Variants in SMCO2 observed in about 807,000 individuals in gnomAD.
SMCO2 encodes single-pass membrane protein with coiled-coil domains 2, also known as single-pass membrane and coiled-coil domain-containing protein 2.
Under a neutral mutation model 29.5 loss-of-function variants are expected in SMCO2, and 25 were observed. That is an observed-to-expected ratio of 0.85 (90% confidence interval 0.62 to 1.18). The LOEUF (loss-of-function observed/expected upper bound fraction) is 1.18, where lower values mean the gene tolerates loss of function less well. Ranked by LOEUF, SMCO2 falls within the 50% of genes most tolerant of loss-of-function variation. The pLI is 0.00. For missense variants in SMCO2, 348 were observed against 344.5 expected, an observed-to-expected ratio of 1.01 and a Z score of -0.08; for synonymous variants, 117 against 123.3, an observed-to-expected ratio of 0.95 and a Z score of 0.34.
At chr12:27,484,707 G>A (rs1317655365) in intron 4 of SMCO2, among the ~76,000 whole-genome samples, 1 of 151,638 alleles carries the variant, frequency 6.6e-6, no homozygotes, top group African/African-American at 2.4e-5. Flanking sequence ...ACAAAAATTA[G>A]CTGGGTGTGG....
chr12:27,441,726 C>G, the SMCO2 span, among the ~76,000 whole-genome samples: 21 of 152,140 alleles, frequency 1.4e-4, no homozygotes, highest in African/African-American at 5.1e-4. Flanking sequence ...ATCTAATAGG[C>G]CTAACTGGCA....
At chr12:27,431,417 A>G in the SMCO2 span, among the ~76,000 whole-genome samples, 4 of 152,148 alleles carry the variant, frequency 2.6e-5, no homozygotes, top group South Asian at 4.1e-4. Flanking sequence ...CTGAAACTCC[A>G]TACCATTTCC....
chr12:27,443,036 C>G, the SMCO2 span, among the ~76,000 whole-genome samples: 4 of 152,110 alleles, frequency 2.6e-5, no homozygotes, highest in African/African-American at 9.7e-5. Context: ...ACTCTGATAC[C>G]AACACCAGAG....
chr12:27,481,310 G>A (rs378793), intron 4 of SMCO2, among the ~76,000 whole-genome samples: 18,445 of 152,226 alleles, frequency 0.12, 2,164 homozygotes, highest in African/African-American at 0.28. Flanking sequence ...ACTGGTCTCA[G>A]GGCCTGCAAA....
chr12:27,423,584 C>T, the SMCO2 span: 1 of 152,330 alleles, frequency 6.6e-6, no homozygotes, highest in African/African-American at 2.4e-5. Context: ...CCACTTCGGC[C>T]TCCCAAAGTG....
chr12:27,448,312 G>T, the SMCO2 span, among the ~76,000 whole-genome samples: 1 of 152,170 alleles, frequency 6.6e-6, no homozygotes, highest in African/African-American at 2.4e-5. Flanking sequence ...TGCTATGTCT[G>T]CCAGGTCAGA....
intron 1 of SMCO2, among the ~76,000 whole-genome samples, chr12:27,468,152 A>C (rs1221669974): frequency 6.6e-6 from 1 of 152,104 alleles, no homozygotes; most frequent in Admixed American, 6.6e-5. Context: ...CCCAGCTGTG[A>C]AGTGTTGATG....
At chr12:27,465,539 T>C (rs1351784109), upstream of SMCO2, among the ~76,000 whole-genome samples, 1 of 152,196 alleles carries the variant, frequency 6.6e-6, no homozygotes, top group Non-Finnish European at 1.5e-5. Context: ...ACATCTGAAC[T>C]TGAGCTTTTG....
chr12:27,481,056 C>T (rs533577459), intron 4 of SMCO2, among the ~76,000 whole-genome samples: 5 of 152,284 alleles, frequency 3.3e-5, no homozygotes, highest in Admixed American at 3.3e-4. Flanking sequence ...GGGGACCTGA[C>T]TGCATGCTGG....
the SMCO2 span, among the ~76,000 whole-genome samples, chr12:27,449,888 G>A: frequency 3.3e-5 from 5 of 152,170 alleles, no homozygotes; most frequent in South Asian, 2.1e-4. Flanking sequence ...ACGTGGGTCC[G>A]AATCTCTAGC....
exon 7 of SMCO2, chr12:27,495,815 T>C: frequency 6.5e-7 from 1 of 1,533,078 alleles, no homozygotes; most frequent in Non-Finnish European, 8.8e-7. Flanking sequence ...GGCCCCAGCA[T>C]CCTTTTTAGT....
At chr12:27,457,962 A>G in the SMCO2 span, among the ~76,000 whole-genome samples, 1 of 152,082 alleles carries the variant, frequency 6.6e-6, no homozygotes, top group Admixed American at 6.6e-5. Context: ...AAAGATTAAA[A>G]TTTTCTTCTC....
rs569944081 is a variant in SMCO2 at position 27,484,967 on chromosome 12, C to T, written c.363-3493C>T. On this transcript the variant is annotated intron_variant, in intron 4 of 7. Coordinates refer to ENST00000298876, the Ensembl canonical transcript of SMCO2. ...TTTTCTTTTGTTAAGTTGCGTTGTGCCTTATGGCTCTGCAAGTTTGTAGTT... is the reference window on the plus strand; with the variant it reads ...TTTTCTTTTGTTAAGTTGCGTTGTGTCTTATGGCTCTGCAAGTTTGTAGTT... Among the ~76,000 whole-genome samples, 14 of 150,044 alleles carry T rather than the reference C, an allele frequency of 9.3e-5. No individual in the cohort carries two copies. The South Asian group carries it at 1.5e-3, about 16-fold the overall frequency.
chr12:27,501,641 C>T (rs1474438854), intron 7 of SMCO2, among the ~76,000 whole-genome samples: 1 of 150,136 alleles, frequency 6.7e-6, no homozygotes, highest in Non-Finnish European at 1.5e-5. Flanking sequence ...ATTGCAATAA[C>T]CTGCTAGGAT....
intron 6 of SMCO2, among the ~76,000 whole-genome samples, chr12:27,494,587 A>G (rs937249899): frequency 6.6e-6 from 1 of 151,258 alleles, no homozygotes; most frequent in East Asian, 1.9e-4. Flanking sequence ...TACATGTCCC[A>G]TGGTGGTTTG....
At chr12:27,486,408 T>C (rs1218187395) in intron 4 of SMCO2, among the ~76,000 whole-genome samples, 1 of 152,342 alleles carries the variant, frequency 6.6e-6, no homozygotes, top group East Asian at 1.9e-4. Flanking sequence ...TTGAAGTAAC[T>C]ATAGATCCCA....
the SMCO2 span, among the ~76,000 whole-genome samples, chr12:27,437,759 C>G: frequency 6.6e-6 from 1 of 152,194 alleles, no homozygotes; most frequent in Non-Finnish European, 1.5e-5. Flanking sequence ...CAGCTCCAGC[C>G]TACTTCCTGT....
the SMCO2 span, among the ~76,000 whole-genome samples, chr12:27,448,306 A>G: frequency 1.3e-5 from 2 of 152,172 alleles, no homozygotes; most frequent in Non-Finnish European, 2.9e-5. Flanking sequence ...CCAGAATGCT[A>G]TGTCTGCCAG....
At chr12:27,474,833 G>A (rs1226744977) in exon 4 of SMCO2, 32 of 1,551,544 alleles carry the variant, frequency 2.1e-5, no homozygotes, top group Non-Finnish European at 2.7e-5. Context: ...TGAGTAAACA[G>A]GATAAGCAAG....
Sources: gnomAD v4.1 joint callset for allele counts (sites outside exome capture counted in the v4.1 genomes callset) on GRCh38, gnomAD v4.1.1 for gene constraint, MANE v1.5 for transcripts, NCBI Gene and HGNC (gene_info 2026-07-23, HGNC 2026-07-21) for gene names.